DNAH2: variants seen among roughly 807,000 people sequenced by gnomAD.
DNAH2 encodes dynein axonemal heavy chain 2, also known as axonemal beta dynein heavy chain 2.
In DNAH2, 323 loss-of-function variants were observed where a neutral mutation model predicts 523.5. The ratio of observed to expected loss-of-function variants is 0.62; its 90% CI spans 0.56 to 0.68. The LOEUF (loss-of-function observed/expected upper bound fraction) is 0.68. Ranked by LOEUF, DNAH2 falls within the 30% of genes least tolerant of loss-of-function variation. DNAH2 has a pLI of 0.00. For synonymous variants in DNAH2, 2,093 were observed against 2,177.4 expected, an observed-to-expected ratio of 0.96 and a Z score of 1.08; for missense variants, 4,907 against 5,701.5, an observed-to-expected ratio of 0.86 and a Z score of 4.49.
At position 7,780,075 on chromosome 17, in the gene DNAH2, G is replaced by A; in HGVS notation, c.5723-82G>A. 1.3e-6 allele frequency: 2 copies of A among 1,543,266 alleles called. No homozygotes were observed. The highest frequency in any genetic ancestry group is 8.8e-7 in the Non-Finnish European group (1 of 1,140,736). ...GGATGGAGTTAGGGTGGGAGAAAATGAGACTGATTGGAAAGTGGGTTTGGG... is the reference window on the plus strand; with the variant it reads ...GGATGGAGTTAGGGTGGGAGAAAATAAGACTGATTGGAAAGTGGGTTTGGG... On this transcript the variant is annotated intron_variant, in intron 36 of 85. Coordinates refer to ENST00000572933, the MANE Select transcript of DNAH2 (RefSeq NM_020877.5). The surrounding 1 kb of genome is among the most constrained non-coding windows in gnomAD (Gnocchi z 4.4).
Position 7,796,480 on chromosome 17 carries a change from G to T in DNAH2, c.7691G>T (p.Arg2564Leu). The T allele has an allele frequency of 6.2e-7, 1 of 1,613,756 alleles. No individual in the cohort carries two copies. Among genetic ancestry groups the T allele is most frequent in the Non-Finnish European group, 8.5e-7 (1 of 1,179,926 alleles). Residue 2564 changes from arginine (R) to leucine (L), a missense_variant, in exon 50 of 86, where the codon CGC becomes CTC. By Grantham distance (102) the Arg-to-Leu change is moderately radical (BLOSUM62 -2). Coordinates refer to ENST00000572933, the MANE Select transcript of DNAH2 (RefSeq NM_020877.5). ...TGTTTCTAGAAGTCCCAGATCATCC[G>T]CATATTCGGCACCATGATCAATCAG... is the stretch of plus-strand genomic sequence containing the variant. Reference protein sequence around the residue: ...MTFPTKSQIIRIFGTMINQKL... With the variant: ...MTFPTKSQIILIFGTMINQKL...
At chr17:7,745,465 C>T (rs1233092862) in intron 12 of DNAH2, among the ~76,000 whole-genome samples, 1 of 152,030 alleles carries the variant, frequency 6.6e-6, no homozygotes, top group Non-Finnish European at 1.5e-5. Flanking sequence ...ACAATTTTAC[C>T]TATATAACAA....
chr17:7,739,968 T>G (rs781746082), intron 9 of DNAH2, 30 bp downstream of exon 9: 6 of 1,600,848 alleles, frequency 3.7e-6, no homozygotes, highest in Non-Finnish European at 4.3e-6. Context: ...ATGCCAGGCG[T>G]GGGCAGGGAA....
rs1278748967 is a variant in DNAH2 at position 7,819,361 on chromosome 17, G to A, written c.10968G>A (p.Glu3656=). 6.2e-7 allele frequency: 1 copy of A among 1,614,128 alleles called. No homozygotes were observed. Among genetic ancestry groups the A allele is most frequent in the East Asian group, 2.2e-5 (1 of 44,898 alleles). The change falls in exon 72 of 86, where the codon GAG becomes GAA. Residue 3656 remains glutamate (E), a synonymous_variant. Coordinates refer to ENST00000572933, the MANE Select transcript of DNAH2 (RefSeq NM_020877.5). Reference sequence around the variant, plus strand: ...AAAGCCACCGCAGCAATAAGCTGGAGGACCGCATTGACTACCTGAATGACT... The same window carrying A: ...AAAGCCACCGCAGCAATAAGCTGGAAGACCGCATTGACTACCTGAATGACT... ...IDKSHRSNKL[E]DRIDYLNDYH...
At position 7,760,348 on chromosome 17, in the gene DNAH2, G is replaced by A. The variant is rs184723316; in HGVS notation, c.2786-392G>A. On this transcript the variant is annotated intron_variant, in intron 17 of 85. Transcript: ENST00000572933. This position sits in a 1 kb window ranked among gnomAD's most constrained non-coding sequence, Gnocchi z 4.0. ...TGCATTCCAGCCTGGGTGACAGAGT[G>A]AGACTCCATCTAAAAAAAAAAACAA... Among the ~76,000 whole-genome samples, 1 of 150,392 alleles carries A rather than the reference G, an allele frequency of 6.6e-6. No homozygotes were observed. Among genetic ancestry groups the A allele is most frequent in the Non-Finnish European group, 1.5e-5 (1 of 67,636 alleles).
chr17:7,795,032 T>A (rs1007448), intron 49 of DNAH2, among the ~76,000 whole-genome samples: 125,220 of 151,362 alleles, frequency 0.83, 53,452 homozygotes, highest in Non-Finnish European at 0.94. Context: ...TTGGCCTCAC[T>A]TTTTTTTTTC....
intron 4 of DNAH2, among the ~76,000 whole-genome samples, chr17:7,729,959 C>T (rs373831401): frequency 6.6e-6 from 1 of 151,938 alleles, no homozygotes; most frequent in African/African-American, 2.4e-5. Flanking sequence ...TGCTTGCTGC[C>T]CAAGCACGAG....
chr17:7,749,863 C>T (rs1396565619), intron 12 of DNAH2, among the ~76,000 whole-genome samples: 9 of 151,844 alleles, frequency 5.9e-5, no homozygotes, highest in South Asian at 4.2e-4. Flanking sequence ...GGCATGGTGG[C>T]GGGTGGCTGT....
At chr17:7,794,504 G>C (rs960741528) in intron 49 of DNAH2, 146 bp downstream of exon 49, 1 of 643,346 alleles carries the variant, frequency 1.6e-6, no homozygotes, top group African/African-American at 1.9e-5. Context: ...GTAAGGGCAT[G>C]TGCTGGCTCC....
In DNAH2 at chr17:7,792,853, C is replaced by A. The variant is rs1398771357; in HGVS notation, c.7342C>A (p.Gln2448Lys). The change falls in exon 47 of 86, where the codon CAG (glutamine) becomes AAG (lysine). Residue 2448 changes from glutamine to lysine, a missense_variant and splice_region_variant. Physicochemically the swap from Gln to Lys is moderately conservative, Grantham distance 53. Coordinates refer to ENST00000572933, the MANE Select transcript of DNAH2 (RefSeq NM_020877.5). ...WSVLVVNMSA[Q>K]TTSNNVQSII... ...GGTGCTCGTTGTCAACATGTCCGCA[C>A]AGGTGTGTCGGGGATCCAGGGGCCA... The A allele has an allele frequency of 1.2e-6, 2 of 1,613,070 alleles. No homozygotes were observed. Among genetic ancestry groups the A allele is most frequent in the Non-Finnish European group, 1.7e-6 (2 of 1,179,102 alleles).
chr17:7,735,387 C>T (rs544677724), intron 7 of DNAH2, among the ~76,000 whole-genome samples: 1 of 152,356 alleles, frequency 6.6e-6, no homozygotes, highest in African/African-American at 2.4e-5. Context: ...ACCTTGGCCT[C>T]CCAAAGTGCT....
chr17:7,733,978 C>A (rs1213045337), intron 5 of DNAH2, among the ~76,000 whole-genome samples: 3 of 152,122 alleles, frequency 2.0e-5, no homozygotes, highest in African/African-American at 7.2e-5. Flanking sequence ...TATTTTATGG[C>A]AATTTCTTGT....
Position 7,818,291 on chromosome 17 carries a change from CT to C in DNAH2, c.10388-20del. Reference sequence around the variant, plus strand: ...TACCCATCACATGGAGTCCTTGCCCCTGACCCTTCCGTGGATGCAGGTGGTC... The same window carrying C: ...TACCCATCACATGGAGTCCTTGCCCCGACCCTTCCGTGGATGCAGGTGGTC... On this transcript the variant is annotated intron_variant, in intron 68 of 85. Transcript: ENST00000572933. 1.9e-6 allele frequency: 3 copies of C among 1,613,248 alleles called. No individual in the cohort carries two copies. The highest frequency in any genetic ancestry group is 1.3e-5 in the African/African-American group (1 of 75,042).
chr17:7,824,170 C>A lies in DNAH2; in HGVS notation c.11528C>A (p.Pro3843His). 6.3e-7 allele frequency: 1 copy of A among 1,597,078 alleles called. No homozygotes were observed. Residue 3843 changes from proline to histidine, a missense_variant, in exon 76 of 86, where the codon CCT (proline) becomes CAT (histidine). Physicochemically the swap from Pro to His is moderately conservative, Grantham distance 77. Around this residue, in one of 3 missense-constraint regions of DNAH2, gnomAD observed 1,851 missense variants for 2,139.4 expected, o/e 0.87. Transcript: ENST00000572933. ...PRSPLVFILS[P>H]GVDPTSALLQ... Reference sequence around the variant, plus strand: ...TCCCCACTCGTGTTCATCCTGTCCCCTGGTGTGGACCCCACCAGTGCCCTG... The same window carrying A: ...TCCCCACTCGTGTTCATCCTGTCCCATGGTGTGGACCCCACCAGTGCCCTG...
At chr17:7,772,028 C>A (rs1209473222) in intron 28 of DNAH2, among the ~76,000 whole-genome samples, 1 of 152,088 alleles carries the variant, frequency 6.6e-6, no homozygotes, top group African/African-American at 2.4e-5. Flanking sequence ...CGTTGACTTT[C>A]TTTTAGCAGA....
At chr17:7,735,877 C>T (rs557414376) in intron 7 of DNAH2, among the ~76,000 whole-genome samples, 8 of 151,756 alleles carry the variant, frequency 5.3e-5, no homozygotes, top group Admixed American at 1.3e-4. Flanking sequence ...CTCAGCCTCC[C>T]GAGTAGCTGA....
At chr17:7,790,222 G>C (rs2076860131) in intron 44 of DNAH2, among the ~76,000 whole-genome samples, 1 of 152,126 alleles carries the variant, frequency 6.6e-6, no homozygotes, top group Admixed American at 6.5e-5. Context: ...TTATTAAGTT[G>C]GTACATTTTA....
At chr17:7,720,133 T>C (rs372332813) in intron 2 of DNAH2, among the ~76,000 whole-genome samples, 13 of 152,322 alleles carry the variant, frequency 8.5e-5, no homozygotes, top group African/African-American at 2.2e-4. Context: ...TTTCCCACAA[T>C]ATACCAGGAG....
At chr17:7,758,803 G>A in intron 14 of DNAH2, 82 bp from the exon 15 acceptor site, 1 of 1,584,048 alleles carries the variant, frequency 6.3e-7, no homozygotes, top group Non-Finnish European at 8.6e-7. Context: ...CAGTCTAGCT[G>A]GAGAACAAGT....
Sources: gnomAD v4.1 joint callset for allele counts (sites outside exome capture counted in the v4.1 genomes callset) on GRCh38, gnomAD v4.1.1 for gene constraint, gnomAD v4.1.1 regional missense constraint, Gnocchi (gnomAD v3.1) non-coding constraint, MANE v1.5 for transcripts, NCBI Gene and HGNC (gene_info 2026-07-23, HGNC 2026-07-21) for gene names.